PAK3: variants seen among roughly 807,000 people sequenced by gnomAD.
PAK3 encodes the protein p21 (RAC1) activated kinase 3, also known as serine/threonine-protein kinase PAK 3.
PAK3 carries 4 observed loss-of-function variants against 41.0 expected under a neutral mutation model. The ratio of observed to expected loss-of-function variants is 0.10; its 90% CI spans 0.05 to 0.22. The LOEUF is 0.22. Ranked by LOEUF, PAK3 falls within the 10% of genes least tolerant of loss-of-function variation. The pLI, the probability that PAK3 is intolerant of heterozygous loss-of-function variation, is 1.00. For synonymous variants in PAK3, 146 were observed against 139.6 expected (o/e 1.05, Z -0.32); for missense variants, 205 against 409.9 (o/e 0.50, Z 4.32).
intron 1 of PAK3, among the ~76,000 whole-genome samples, chrX:111,003,227 T>C (rs2091875614): frequency 8.9e-6 from 1 of 111,842 alleles, no homozygotes; most frequent in Admixed American, 9.5e-5. Context: ...ACACACATGA[T>C]AGTCACAGAT....
chrX:111,057,802 A>G (rs188178468), intron 1 of PAK3, among the ~76,000 whole-genome samples: 56 of 111,836 alleles, frequency 5.0e-4, no homozygotes, highest in African/African-American at 1.7e-3. Context: ...TGCCCTGAAA[A>G]GGAAGCTTGC....
chrX:111,033,769 T>G (rs2092365562), intron 1 of PAK3, among the ~76,000 whole-genome samples: 1 of 111,850 alleles, frequency 8.9e-6, no homozygotes, highest in African/African-American at 3.3e-5. Flanking sequence ...CCACACTCCG[T>G]CAGACATTGC....
rs781008790 is a variant in PAK3 at position 111,088,645 on chromosome X, C to T, written c.-27-34432C>T. Among the ~76,000 whole-genome samples the T allele has an allele frequency of 8.9e-5, 10 of 111,817 alleles. No homozygotes were observed. In the East Asian group the frequency reaches 2.5e-3, roughly 28 times the overall value. On this transcript the variant is annotated intron_variant, in intron 1 of 14. Coordinates refer to the PAK3 transcript ENST00000425146. ...TTTGTTATGGTAAAGCTTAATTAGC[C>T]AAAGACTGTCAGAGACAAGACTATA... is the stretch of plus-strand genomic sequence containing the variant.
chrX:111,191,140 C>T (rs150074364), intron 11 of PAK3, among the ~76,000 whole-genome samples: 4,964 of 111,779 alleles, frequency 0.044, 285 homozygotes, highest in African/African-American at 0.15. Context: ...TTTTGAGACA[C>T]CAGGCTGGAG....
At chrX:111,090,268 A>G (rs1603183163) in intron 1 of PAK3, among the ~76,000 whole-genome samples, 1 of 110,963 alleles carries the variant, frequency 9.0e-6, no homozygotes, top group Admixed American at 9.6e-5. Flanking sequence ...GCCTTAGTCA[A>G]TTTGGCATTC....
At chrX:111,183,779 C>T (rs1298389904) in intron 11 of PAK3, among the ~76,000 whole-genome samples, 1 of 111,309 alleles carries the variant, frequency 9.0e-6, no homozygotes, top group Non-Finnish European at 1.9e-5. Context: ...CTTTCTGGAC[C>T]CTTCAGGCTA....
intron 1 of PAK3, among the ~76,000 whole-genome samples, chrX:110,946,242 G>A (rs1266010649): frequency 9.0e-6 from 1 of 111,218 alleles, no homozygotes; most frequent in Admixed American, 9.5e-5. Context: ...TGGCATGTAT[G>A]AAGGTAGAGA....
chrX:110,987,922 C>A (rs748652800), intron 1 of PAK3, among the ~76,000 whole-genome samples: 1 of 112,080 alleles, frequency 8.9e-6, no homozygotes, highest in Non-Finnish European at 1.9e-5. Flanking sequence ...TGTCTTCCAG[C>A]AGCTTATCGA....
chrX:111,055,705 C>A (rs766315863), intron 1 of PAK3, among the ~76,000 whole-genome samples: 1 of 111,789 alleles, frequency 8.9e-6, no homozygotes, highest in African/African-American at 3.3e-5. Flanking sequence ...CAACCATCAA[C>A]GCTGACCAGG....
At chrX:111,160,244 C>T (rs976396895) in intron 8 of PAK3, among the ~76,000 whole-genome samples, 3 of 111,178 alleles carry the variant, frequency 2.7e-5, no homozygotes, top group Non-Finnish European at 3.8e-5. Context: ...CTAGTAACCA[C>T]ATATTAAAAT....
intron 6 of PAK3, chrX:111,144,954 A>G: frequency 1.2e-6 from 1 of 812,194 alleles, no homozygotes. Flanking sequence ...ATTTCTTATG[A>G]TAAGATAAAT....
intron 1 of PAK3, among the ~76,000 whole-genome samples, chrX:111,061,700 T>C (rs752731660): frequency 2.1e-4 from 24 of 112,237 alleles, no homozygotes; most frequent in Middle Eastern, 4.6e-3. Flanking sequence ...TTCCTATTTA[T>C]TTCAGAGCTT....
chrX:111,131,051 A>G (rs772929665), intron 5 of PAK3, among the ~76,000 whole-genome samples: 1 of 111,872 alleles, frequency 8.9e-6, no homozygotes, highest in East Asian at 2.8e-4. Flanking sequence ...AAATGAGAGT[A>G]GCTTGTTTTG....
At chrX:111,079,387 A>T (rs956833855) in intron 1 of PAK3, among the ~76,000 whole-genome samples, 6 of 111,891 alleles carry the variant, frequency 5.4e-5, no homozygotes, top group Non-Finnish European at 1.1e-4. Flanking sequence ...ATTATGCTAA[A>T]TCTACTCTGA....
intron 1 of PAK3, among the ~76,000 whole-genome samples, chrX:110,945,813 A>G (rs1057038073): frequency 8.0e-5 from 9 of 112,122 alleles, no homozygotes; most frequent in Admixed American, 5.7e-4. Flanking sequence ...ATAAAAATGA[A>G]CAAAACTGCT....
At chrX:111,005,362 T>C (rs2091907296) in intron 1 of PAK3, among the ~76,000 whole-genome samples, 1 of 111,449 alleles carries the variant, frequency 9.0e-6, no homozygotes, top group African/African-American at 3.3e-5. Context: ...TCCCTTTGTC[T>C]GCTAAGGGAT....
chrX:110,992,682 C>T (rs757264915), intron 1 of PAK3, among the ~76,000 whole-genome samples: 1 of 110,744 alleles, frequency 9.0e-6, no homozygotes, highest in East Asian at 2.9e-4. Flanking sequence ...GGCATCTGTT[C>T]ATTCCGCCTC....
At chrX:110,959,958 C>T (rs2090945036) in intron 1 of PAK3, among the ~76,000 whole-genome samples, 1 of 111,966 alleles carries the variant, frequency 8.9e-6, no homozygotes, top group African/African-American at 3.2e-5. Context: ...AGTGTCATGG[C>T]ATCTATACTG....
At chrX:110,996,497 A>G (rs2091742007) in intron 1 of PAK3, among the ~76,000 whole-genome samples, 1 of 112,106 alleles carries the variant, frequency 8.9e-6, no homozygotes, top group Admixed American at 9.5e-5. Context: ...TTGTGTTGAC[A>G]TCTTAACACC....
Sources: gnomAD v4.1 joint callset for allele counts (sites outside exome capture counted in the v4.1 genomes callset) on GRCh38, gnomAD v4.1.1 for gene constraint, MANE v1.5 for transcripts, NCBI Gene and HGNC (gene_info 2026-07-23, HGNC 2026-07-21) for gene names.